SPINK5: variants seen among roughly 807,000 people sequenced by gnomAD.
SPINK5 encodes serine peptidase inhibitor Kazal type 5.
A neutral mutation model predicts 151.8 loss-of-function variants in SPINK5; 125 were observed. The ratio of observed to expected loss-of-function variants is 0.82; its 90% CI spans 0.71 to 0.96. The LOEUF is 0.96. Ranked by LOEUF, SPINK5 falls within the 40% of genes least tolerant of loss-of-function variation. SPINK5 has a pLI of 0.00. For missense variants in SPINK5, 1,194 were observed against 1,291.9 expected (o/e 0.92, Z 1.16); for synonymous variants, 374 against 395.3 (o/e 0.95, Z 0.64).
At position 148,127,127 on chromosome 5, in the gene SPINK5, G is replaced by T; in HGVS notation, c.2964+48G>T. The T allele has an allele frequency of 2.0e-6, 3 of 1,523,340 alleles. No homozygotes were observed. In the South Asian group the frequency reaches 3.5e-5, roughly 18 times the overall value. The allele number at this position is 1,523,340 out of a possible 1,614,324, so 94.4% of individuals were successfully genotyped here. Reference sequence around the variant, plus strand: ...AGCTACTTATCAATTTAATTTTCTTGATTTTTTTTGACCTGTTGCTATTTG... The same window carrying T: ...AGCTACTTATCAATTTAATTTTCTTTATTTTTTTTGACCTGTTGCTATTTG... On this transcript the variant is annotated intron_variant, in intron 30 of 32. Transcript: ENST00000256084.
chr5:148,133,983 G>A (rs1754639060), intron 32 of SPINK5, 96 bp downstream of exon 32: 2 of 1,312,104 alleles, frequency 1.5e-6, no homozygotes, highest in African/African-American at 1.5e-5. Context: ...CATTTATCTG[G>A]CCAGAGAGGT....
intron 4 of SPINK5, among the ~76,000 whole-genome samples, chr5:148,073,421 A>G (rs1324943147): frequency 1.3e-5 from 2 of 151,856 alleles, no homozygotes; most frequent in Non-Finnish European, 2.9e-5. Context: ...CATAATTGAA[A>G]ACTCTTTATC....
intron 15 of SPINK5, among the ~76,000 whole-genome samples, chr5:148,102,652 C>G (rs998126284): frequency 6.6e-6 from 1 of 152,012 alleles, no homozygotes; most frequent in African/African-American, 2.4e-5. Flanking sequence ...TTTATGAAAA[C>G]ATTATCAGAT....
chr5:148,080,356 G>T lies in SPINK5; in HGVS notation c.283-6049G>T, dbSNP rs1032598691. Among the ~76,000 whole-genome samples, 31 of 151,182 alleles carry T rather than the reference G, an allele frequency of 2.1e-4. 1 individual carries two copies. The highest frequency in any genetic ancestry group is 2.0e-3 in the Admixed American group (31 of 15,134). ...TAAACATATTCCCAATCAAAATCTT[G>T]TCAGTCTTTCTTTTTGGTAGAAATA... On this transcript the variant is annotated intron_variant, in intron 4 of 32. Coordinates refer to ENST00000256084, the MANE Select transcript of SPINK5 (RefSeq NM_006846.4).
rs2113105960 is a variant in SPINK5 at position 148,098,001 on chromosome 5, A to G, written c.1010+7A>G. ...CCATGTGTCAAGCCTACTTGTGAGT[A>G]TAGAGTTTTAGAATGTCAAAGAAAG... On this transcript the variant is annotated splice_region_variant and intron_variant, in intron 11 of 32. Transcript: ENST00000256084. 6.2e-7 allele frequency: 1 copy of G among 1,610,698 alleles called. No homozygotes were observed. The highest frequency in any genetic ancestry group is 8.5e-7 in the Non-Finnish European group (1 of 1,177,684).
At chr5:148,131,989 G>A (rs1259998046) in intron 31 of SPINK5, among the ~76,000 whole-genome samples, 1 of 152,126 alleles carries the variant, frequency 6.6e-6, no homozygotes, top group Non-Finnish European at 1.5e-5. Flanking sequence ...CCCTTCATTG[G>A]AGAAATGGAG....
intron 2 of SPINK5, among the ~76,000 whole-genome samples, chr5:148,068,549 C>G (rs1268572169): frequency 8.8e-6 from 1 of 113,402 alleles, no homozygotes; most frequent in African/African-American, 3.7e-5. Flanking sequence ...GAGACCCTGC[C>G]TCTCCAAAAA....
chr5:148,112,816 T>C (rs1290108113), intron 19 of SPINK5, 52 bp from the exon 20 acceptor site: 3 of 1,610,696 alleles, frequency 1.9e-6, no homozygotes, highest in East Asian at 4.5e-5. Flanking sequence ...TCCTTTAGGG[T>C]AGTATGTATT....
At chr5:148,077,496 A>G (rs1019603443) in intron 4 of SPINK5, among the ~76,000 whole-genome samples, 1 of 151,110 alleles carries the variant, frequency 6.6e-6, no homozygotes, top group Non-Finnish European at 1.5e-5. Flanking sequence ...AGCTGAAAGG[A>G]AATAACTACC....
chr5:148,076,524 AT>A (rs1470479005), intron 4 of SPINK5, among the ~76,000 whole-genome samples: 2 of 151,830 alleles, frequency 1.3e-5, no homozygotes, highest in African/African-American at 4.8e-5. Context: ...GGTTAAAAAA[AT>A]GTCAGTTTTC....
chr5:148,123,384 TTATA>T (rs72219001), intron 26 of SPINK5, among the ~76,000 whole-genome samples: 20 of 129,746 alleles, frequency 1.5e-4, no homozygotes, highest in South Asian at 5.3e-4. Context: ...CATAACAAGA[TTATA>T]TATATATATA....
At chr5:148,088,247 C>A (rs1378446780) in intron 5 of SPINK5, among the ~76,000 whole-genome samples, 1 of 151,752 alleles carries the variant, frequency 6.6e-6, no homozygotes, top group Admixed American at 6.6e-5. Context: ...CAGTTACAAG[C>A]TTTACTTTTC....
intron 10 of SPINK5, 75 bp from the exon 11 acceptor site, chr5:148,097,792 C>A: frequency 9.4e-7 from 1 of 1,066,908 alleles, no homozygotes; most frequent in Non-Finnish European, 1.3e-6. Context: ...TCTCTTTTTT[C>A]TTTGTAAAAT....
chr5:148,075,348 A>T (rs1581054687), intron 4 of SPINK5, among the ~76,000 whole-genome samples: 1 of 151,166 alleles, frequency 6.6e-6, no homozygotes, highest in East Asian at 1.9e-4. Flanking sequence ...TAGTCTATTA[A>T]TATAAATAAA....
At chr5:148,105,070 T>A in intron 16 of SPINK5, 70 bp downstream of exon 16, 1 of 1,492,906 alleles carries the variant, frequency 6.7e-7, no homozygotes, top group Non-Finnish European at 9.2e-7. Flanking sequence ...TTACTTATCC[T>A]ATTAGAATAA....
intron 2 of SPINK5, among the ~76,000 whole-genome samples, chr5:148,066,765 G>T (rs1752597832): frequency 6.6e-6 from 1 of 152,114 alleles, no homozygotes; most frequent in Non-Finnish European, 1.5e-5. Flanking sequence ...CGTGATGATG[G>T]TTGGTGATTT....
At chr5:148,079,265 G>C (rs938146402) in intron 4 of SPINK5, among the ~76,000 whole-genome samples, 1 of 151,012 alleles carries the variant, frequency 6.6e-6, no homozygotes, top group African/African-American at 2.4e-5. Flanking sequence ...CATAAGTAAA[G>C]ACATTGAATC....
chr5:148,123,414 T>TAGATAGATATTATCTATCTATCTA (rs751370176), intron 26 of SPINK5, among the ~76,000 whole-genome samples: 85 of 134,938 alleles, frequency 6.3e-4, no homozygotes, highest in Middle Eastern at 7.4e-3. Flanking sequence ...ATATAATATA[T>TAGATAGATATTATCTATCTATCTA]TATATATATA....
intron 5 of SPINK5, among the ~76,000 whole-genome samples, chr5:148,087,404 A>G (rs937801510): frequency 2.0e-5 from 3 of 151,796 alleles, no homozygotes; most frequent in African/African-American, 7.3e-5. Context: ...GGGTATTATA[A>G]TTATTCACTT....
Sources: gnomAD v4.1 joint callset for allele counts (sites outside exome capture counted in the v4.1 genomes callset) on GRCh38, gnomAD v4.1.1 for gene constraint, MANE v1.5 for transcripts, NCBI Gene and HGNC (gene_info 2026-07-23, HGNC 2026-07-21) for gene names.